BRSK2: variants seen among roughly 807,000 people sequenced by gnomAD.
BRSK2 encodes the protein BR serine/threonine kinase 2.
Under a neutral mutation model 83.3 loss-of-function variants are expected in BRSK2, and 19 were observed. The observed-to-expected ratio is 0.23, with a 90% CI of 0.16 to 0.33. The LOEUF is 0.33. Among genes scored for constraint, BRSK2 ranks in the 10% least tolerant of loss-of-function variants. The probability of loss-of-function intolerance (pLI) is 1.00; values close to 1 mark genes in which losing one functional copy is unlikely to be tolerated. For synonymous variants in BRSK2, 519 were observed against 435.4 expected (o/e 1.19, Z -2.39); for missense variants, 798 against 1,042.3 (o/e 0.77, Z 3.23).
At chr11:1,442,738 C>G (rs1402986185) in intron 5 of BRSK2, 132 bp downstream of exon 5, 1 of 735,862 alleles carries the variant, frequency 1.4e-6, no homozygotes, top group Non-Finnish European at 2.3e-6. Context: ...CACAATGTGC[C>G]TGAGCCTCCC....
chr11:1,457,811 G>A (rs1324187797), intron 18 of BRSK2, among the ~76,000 whole-genome samples: 2 of 149,616 alleles, frequency 1.3e-5, no homozygotes, highest in African/African-American at 4.9e-5. Flanking sequence ...CCCCCCCAGA[G>A]TGTGCTTCAC....
intron 16 of BRSK2, 24 bp from the exon 17 acceptor site, chr11:1,456,324 G>A (rs746935733): frequency 3.2e-5 from 49 of 1,532,742 alleles, no homozygotes; most frequent in African/African-American, 5.5e-5. Context: ...GGCCAGCCAC[G>A]CTCACGCTGC....
chr11:1,392,680 C>T (rs1481814117), intron 1 of BRSK2, among the ~76,000 whole-genome samples: 3 of 152,086 alleles, frequency 2.0e-5, no homozygotes, highest in Non-Finnish European at 2.9e-5. Context: ...GGGGAGACCA[C>T]GCAGCACCCC....
intron 16 of BRSK2, 27 bp from the exon 17 acceptor site, chr11:1,456,321 C>T: frequency 2.0e-6 from 3 of 1,527,722 alleles, no homozygotes; most frequent in Non-Finnish European, 1.8e-6. Context: ...CCAGGCCAGC[C>T]ACGCTCACGC....
At chr11:1,441,473 C>T (rs1295979766) in intron 4 of BRSK2, among the ~76,000 whole-genome samples, 1 of 2,104 alleles carries the variant, frequency 4.8e-4, no homozygotes, top group Non-Finnish European at 1.4e-3. Flanking sequence ...CATCCCCTCC[C>T]CCCCATTAGC....
intron 1 of BRSK2, among the ~76,000 whole-genome samples, chr11:1,403,310 G>A (rs1385287865): frequency 2.0e-5 from 3 of 152,190 alleles, no homozygotes; most frequent in Admixed American, 6.5e-5. Context: ...GGCAGAGCAC[G>A]TGAGGCAGCC....
chr11:1,411,153 GT>G, intron 1 of BRSK2: 1 of 1,224,446 alleles, frequency 8.2e-7, no homozygotes, highest in Non-Finnish European at 1.0e-6. Flanking sequence ...GGGGGCTCCA[GT>G]CTCAGGCTGG....
At chr11:1,414,485 A>G (rs1245394906) in intron 1 of BRSK2, among the ~76,000 whole-genome samples, 1 of 152,264 alleles carries the variant, frequency 6.6e-6, no homozygotes, top group Non-Finnish European at 1.5e-5. Flanking sequence ...GCTAAGGTGC[A>G]GCTTCAAAGG....
chr11:1,393,379 G>A lies in BRSK2; in HGVS notation c.91+3004G>A, dbSNP rs536855275. Among the ~76,000 whole-genome samples, 31 of 152,300 alleles carry A rather than the reference G, an allele frequency of 2.0e-4. No individual in the cohort carries two copies. In the East Asian group the frequency reaches 5.8e-3, roughly 28 times the overall value. ...AGCTGGAGAACCTCGGGCCCTTGGA[G>A]CTGTTCTTGGGGGCAGGCGGGTGGG... On this transcript the variant is annotated intron_variant, in intron 1 of 19. Coordinates refer to ENST00000528841, the MANE Select transcript of BRSK2 (RefSeq NM_001256627.2).
rs1416568772 is a variant in BRSK2, at chr11:1,460,526, G to T, written c.2014G>T (p.Val672Leu). The change falls in exon 20 of 20, where the codon GTA becomes TTA. Residue 672 changes from valine to leucine, a missense_variant. Transcript: ENST00000528841. The part of the protein sequence containing the change: ...CGSPLSNFFD[V>L]IKQLFSDEKN... The stretch of plus-strand genomic sequence containing the variant: ...CAGCCCATTGAGTAACTTCTTTGAC[G>T]TAATTAAACAACTTTTTTCAGACGA... 1 of 1,400,916 alleles carries T rather than the reference G, an allele frequency of 7.1e-7. No homozygotes were observed. Among genetic ancestry groups the T allele is most frequent in the Non-Finnish European group, 9.3e-7 (1 of 1,071,110 alleles). The allele number at this position is 1,400,916 out of a possible 1,614,324, so 86.8% of individuals were successfully genotyped here. A position where few individuals can be genotyped will look rare whatever the true frequency, so the allele number is the denominator to read the frequency against.
rs906774272 is a variant in BRSK2, at chr11:1,461,330, G to A, written c.*607G>A. The A allele has an allele frequency of 7.8e-6, 3 of 382,412 alleles. No homozygotes were observed. The highest frequency in any genetic ancestry group is 4.7e-6 in the Non-Finnish European group (1 of 211,832). The allele number at this position is 382,412 out of a possible 1,614,324, so 23.7% of individuals were successfully genotyped here. ...GCCGCACCTGGAGGCCTCCTCGCAG[G>A]CCCGTGCCCCGCCTCCCTGGCTGCG... On this transcript the variant is annotated 3_prime_UTR_variant, in exon 20 of 20. Coordinates refer to ENST00000528841, the MANE Select transcript of BRSK2 (RefSeq NM_001256627.2).
chr11:1,448,373 CTT>C lies in BRSK2; in HGVS notation c.1227-1401_1227-1400del, dbSNP rs536077734. On this transcript the variant is annotated intron_variant, in intron 12 of 19. Coordinates refer to ENST00000528841, the MANE Select transcript of BRSK2 (RefSeq NM_001256627.2). Reference sequence around the variant, plus strand: ...GCTGGCTGCCGGTCGGGGTCCTTCTCTTTGAGCCCTGGCCCCGTGCCTACCTG... The same window carrying C: ...GCTGGCTGCCGGTCGGGGTCCTTCTCTGAGCCCTGGCCCCGTGCCTACCTG... Among the ~76,000 whole-genome samples the C allele has an allele frequency of 6.6e-5, 10 of 152,294 alleles. No individual in the cohort carries two copies. In the South Asian group the frequency reaches 1.9e-3, roughly 28 times the overall value.
chr11:1,392,921 C>T (rs1184797062), intron 1 of BRSK2, among the ~76,000 whole-genome samples: 2 of 152,216 alleles, frequency 1.3e-5, no homozygotes, highest in South Asian at 2.1e-4. Context: ...GTCTCACTGC[C>T]GGTGCCAGGC....
chr11:1,414,204 G>A lies in BRSK2; in HGVS notation c.92-21836G>A, dbSNP rs545914719. 7.2e-5 allele frequency among the ~76,000 whole-genome samples: 11 copies of A among 152,314 alleles called. 1 individual carries two copies. In the South Asian group the frequency reaches 1.4e-3, roughly 20 times the overall value. ...CACACCCCAAAGTTGCCATTGTCCCGTTGTTTAAAATTCTATGTGCAAATA... is the reference window on the plus strand; with the variant it reads ...CACACCCCAAAGTTGCCATTGTCCCATTGTTTAAAATTCTATGTGCAAATA... On this transcript the variant is annotated intron_variant, in intron 1 of 19. Transcript: ENST00000528841.
intron 2 of BRSK2, among the ~76,000 whole-genome samples, chr11:1,437,000 G>A (rs1174336330): frequency 6.6e-6 from 1 of 151,760 alleles, no homozygotes; most frequent in African/African-American, 2.4e-5. Flanking sequence ...CTATGGGGAG[G>A]TGGGGGTGGG....
At chr11:1,409,112 C>T (rs1029107828) in intron 1 of BRSK2, among the ~76,000 whole-genome samples, 6 of 152,040 alleles carry the variant, frequency 3.9e-5, no homozygotes, top group South Asian at 2.1e-4. Flanking sequence ...CTGTGTGTGC[C>T]GTCTGACCCT....
intron 1 of BRSK2, among the ~76,000 whole-genome samples, chr11:1,405,862 C>T (rs1275255281): frequency 2.6e-5 from 4 of 152,106 alleles, no homozygotes; most frequent in Admixed American, 6.5e-5. Context: ...TCCTTGGCCC[C>T]GCAGGCCCCA....
intron 1 of BRSK2, among the ~76,000 whole-genome samples, chr11:1,406,700 G>A (rs536174694): frequency 1.2e-3 from 186 of 152,330 alleles, no homozygotes; most frequent in African/African-American, 3.9e-3. Context: ...TCCAGCACTC[G>A]GCCGCCTGCT....
chr11:1,454,330 G>A lies in BRSK2; in HGVS notation c.1545-155G>A, dbSNP rs1165351227. The A allele has an allele frequency of 4.6e-6, 4 of 873,484 alleles. No homozygotes were observed. The highest frequency in any genetic ancestry group is 4.1e-5 in the Admixed American group (2 of 49,076). The allele number at this position is 873,484 out of a possible 1,614,324, so 54.1% of individuals were successfully genotyped here. A position where few individuals can be genotyped will look rare whatever the true frequency, so the allele number is the denominator to read the frequency against. ...TATGGGCTAGGGTTAGGGCGTTGGG[G>A]TCAGGGCCATGGGTTCTGGCTAGCA... On this transcript the variant is annotated intron_variant, in intron 15 of 19. Transcript: ENST00000528841. This position sits in a 1 kb window ranked among gnomAD's most constrained non-coding sequence, Gnocchi z 5.2.
Sources: allele counts gnomAD v4.1 joint callset (sites outside exome capture counted in the v4.1 genomes callset), GRCh38; gene constraint gnomAD v4.1.1; non-coding constraint Gnocchi (gnomAD v3.1); transcripts MANE v1.5; gene names NCBI Gene and HGNC (gene_info 2026-07-23, HGNC 2026-07-21).